Variants in CDKN2A observed in about 807,000 individuals in gnomAD.
CDKN2A encodes the protein cyclin-dependent kinase inhibitor 2A.
A neutral mutation model predicts 11.1 loss-of-function variants in CDKN2A; 3 were observed. The ratio of observed to expected loss-of-function variants is 0.27; its 90% confidence interval spans 0.12 to 0.70. The LOEUF (loss-of-function observed/expected upper bound fraction) is 0.70. Ranked by LOEUF, CDKN2A falls within the 30% of genes least tolerant of loss-of-function variation. The pLI is 0.77. For missense variants in CDKN2A, 265 were observed against 233.6 expected (o/e 1.13, Z -0.88); for synonymous variants, 122 against 108.1 (o/e 1.13, Z -0.80).
intron 1 of CDKN2A, among the ~76,000 whole-genome samples, chr9:21,973,985 G>A (rs1157891149): frequency 6.6e-6 from 1 of 152,068 alleles, no homozygotes; most frequent in Non-Finnish European, 1.5e-5. Context: ...CAGCCTCCCG[G>A]GTTCAAGCGA....
chr9:21,985,897 T>A (rs918823344), intron 2 of CDKN2A, among the ~76,000 whole-genome samples: 1 of 151,948 alleles, frequency 6.6e-6, no homozygotes, highest in Non-Finnish European at 1.5e-5. Flanking sequence ...GTTTAGAAAT[T>A]TCTAGCTACA....
chr9:21,993,993 C>G, exon 2 of CDKN2A: 1 of 851,390 alleles, frequency 1.2e-6, no homozygotes. Context: ...ATGTCTAAGT[C>G]GTTGTAACCC....
At chr9:21,977,779 A>C (rs1168887087), upstream of CDKN2A, among the ~76,000 whole-genome samples, 1 of 152,202 alleles carries the variant, frequency 6.6e-6, no homozygotes, top group African/African-American at 2.4e-5. Context: ...TTTTTTAAAA[A>C]AGATGTGTTC....
intron 1 of CDKN2A, among the ~76,000 whole-genome samples, chr9:21,973,828 C>A (rs1034932297): frequency 6.6e-6 from 1 of 151,832 alleles, no homozygotes; most frequent in African/African-American, 2.4e-5. Context: ...TATTTATTTG[C>A]CCTACTCAGT....
intron 2 of CDKN2A, among the ~76,000 whole-genome samples, chr9:21,984,847 T>C (rs1271594576): frequency 2.0e-5 from 3 of 151,974 alleles, no homozygotes; most frequent in Non-Finnish European, 4.4e-5. Flanking sequence ...CTCTATAGTC[T>C]TACTGTTATG....
chr9:21,994,607 C>G, intron 1 of CDKN2A: 1 of 602,740 alleles, frequency 1.7e-6, no homozygotes, highest in East Asian at 3.7e-5. Flanking sequence ...CGGAGGCGCC[C>G]GTAGGGAGGC....
At chr9:21,971,282 C>T (rs532110067) in intron 1 of CDKN2A, 74 bp from the exon 2 acceptor site, 1 of 1,545,176 alleles carries the variant, frequency 6.5e-7, no homozygotes, top group Non-Finnish European at 8.7e-7. Context: ...TGTAGAGCCC[C>T]CTCACCGCCA....
upstream of CDKN2A, chr9:21,975,249 T>G (rs1819992382): frequency 1.5e-6 from 1 of 689,416 alleles, no homozygotes; most frequent in South Asian, 6.5e-5. Flanking sequence ...AAAGGCGTGT[T>G]TGAGTGCGTT....
chr9:21,983,445 G>T (rs967598667), intron 2 of CDKN2A, among the ~76,000 whole-genome samples: 4 of 151,912 alleles, frequency 2.6e-5, no homozygotes, highest in South Asian at 2.1e-4. Context: ...CTTCATAAAT[G>T]CTACTTTTAA....
At chr9:21,987,252 T>C (rs1460454308) in intron 2 of CDKN2A, among the ~76,000 whole-genome samples, 3 of 152,136 alleles carry the variant, frequency 2.0e-5, no homozygotes, top group African/African-American at 7.2e-5. Context: ...TACATTTTCC[T>C]GCAATCTTGC....
At chr9:21,984,412 T>C (rs1005641415) in intron 2 of CDKN2A, among the ~76,000 whole-genome samples, 1 of 152,050 alleles carries the variant, frequency 6.6e-6, no homozygotes, top group Non-Finnish European at 1.5e-5. Flanking sequence ...GAAGGTACAA[T>C]GGAGAAACTA....
At chr9:21,981,907 T>C (rs1169244400) in intron 2 of CDKN2A, among the ~76,000 whole-genome samples, 3 of 152,284 alleles carry the variant, frequency 2.0e-5, no homozygotes, top group East Asian at 3.9e-4. Flanking sequence ...TCTGAGAAAG[T>C]AGAGCAGACC....
rs936993659 is a variant in CDKN2A at position 21,968,548 on chromosome 9, ATATAATGAGTCTCAGTGGTT to A, written c.458-326_458-307del. The stretch of plus-strand genomic sequence containing the variant: ...GGGTTGCAAGAAGAAAACGAGTGTT[ATATAATGAGTCTCAGTGGTT>A]GCTCACAATGCCAGGCGCGAAGGCG... On this transcript the variant is annotated intron_variant, in intron 2 of 2. Transcript: ENST00000304494. This position sits in a 1 kb window ranked among gnomAD's most constrained non-coding sequence, Gnocchi z 4.7. 1 of 1,456,774 alleles carries A rather than the reference ATATAATGAGTCTCAGTGGTT, an allele frequency of 6.9e-7. No homozygotes were observed. Among genetic ancestry groups the A allele is most frequent in the Non-Finnish European group, 9.0e-7 (1 of 1,112,518 alleles). The allele number at this position is 1,456,774 out of a possible 1,614,324, so 90.2% of individuals were successfully genotyped here.
At chr9:21,979,245 A>C (rs1820116495), upstream of CDKN2A, among the ~76,000 whole-genome samples, 1 of 152,170 alleles carries the variant, frequency 6.6e-6, no homozygotes, top group South Asian at 2.1e-4. Flanking sequence ...CCTGTGAAGG[A>C]CTCCTCAGAG....
rs1474376077 is a variant in CDKN2A at position 21,994,010 on chromosome 9, G to C, written c.-132C>G. 4 of 1,027,214 alleles carry C rather than the reference G, an allele frequency of 3.9e-6. No individual in the cohort carries two copies. The East Asian group carries it at 1.0e-4, about 27-fold the overall frequency. The allele number at this position is 1,027,214 out of a possible 1,614,324, so 63.6% of individuals were successfully genotyped here. On this transcript the variant is annotated 5_prime_UTR_variant, in exon 2 of 4. Coordinates refer to the CDKN2A transcript ENST00000494262. Reference sequence around the variant, plus strand: ...GTCTAAGTCGTTGTAACCCGAATGGGGAAGCCTCCACCGGCGGTTATCTCC... The same window carrying C: ...GTCTAAGTCGTTGTAACCCGAATGGCGAAGCCTCCACCGGCGGTTATCTCC...
At position 21,974,783 on chromosome 9, in the gene CDKN2A, C is replaced by T. The variant is rs138677674; in HGVS notation, c.45G>A (p.Trp15Ter). ...GACCCCGGGCCGCGGCCGTGGCCAG[C>T]CAGTCAGCCGAAGGCTCCATGCTGC... ...AGSSMEPSADWLATAAARGRV... is the reference protein window; with the variant it reads ...AGSSMEPSAD Residue 15 changes from tryptophan (W) to a stop codon, truncating the protein, a stop_gained, in exon 1 of 3, where the codon TGG becomes TGA. Coordinates refer to ENST00000304494, the MANE Select transcript of CDKN2A (RefSeq NM_000077.5). LOFTEE classifies it high-confidence loss of function. This position sits in a 1 kb window ranked among gnomAD's most constrained non-coding sequence, Gnocchi z 5.2. The T allele has an allele frequency of 6.2e-7, 1 of 1,607,920 alleles. No individual in the cohort carries two copies. Among genetic ancestry groups the T allele is most frequent in the Non-Finnish European group, 8.5e-7 (1 of 1,179,248 alleles).
rs1233388845 is a variant in CDKN2A, at chr9:21,991,130, C to CA, written c.-4+2751dup. Among the ~76,000 whole-genome samples the CA allele has an allele frequency of 6.6e-6, 1 of 152,152 alleles. No homozygotes were observed. The highest frequency in any genetic ancestry group is 1.9e-4 in the East Asian group (1 of 5,202). On this transcript the variant is annotated intron_variant, in intron 2 of 3. Coordinates refer to the CDKN2A transcript ENST00000494262. This position sits in a 1 kb window ranked among gnomAD's most constrained non-coding sequence, Gnocchi z 5.2. ...CTTAAACTGCCAAAATAAAGCACCACAAAAACTTTTTATCACGTTGGTTTT... is the reference window on the plus strand; with the variant it reads ...CTTAAACTGCCAAAATAAAGCACCACAAAAAACTTTTTATCACGTTGGTTTT...
rs1273290299 is a variant in CDKN2A, at chr9:21,981,142, G to GTA, written c.-3-9936_-3-9935dup. ...TATACGTGTATATATATATATACGTGTATATATATATATACGTGTATATAT... is the reference window on the plus strand; with the variant it reads ...TATACGTGTATATATATATATACGTGTATATATATATATATACGTGTATATAT... On this transcript the variant is annotated intron_variant, in intron 2 of 3. Coordinates refer to the CDKN2A transcript ENST00000494262. 3.1e-4 allele frequency among the ~76,000 whole-genome samples: 6 copies of GTA among 19,650 alleles called. 2 individuals are homozygous for GTA. Among genetic ancestry groups the GTA allele is most frequent in the African/African-American group, 1.4e-3 (5 of 3,510 alleles). 12.9% of individuals were successfully genotyped at this position (19,650 alleles called of 152,430 possible). A position where few individuals can be genotyped will look rare whatever the true frequency, so the allele number is the denominator to read the frequency against.
intron 1 of CDKN2A, chr9:21,994,615 G>GGCGC (rs1485847635): frequency 1.8e-6 from 1 of 545,752 alleles, no homozygotes. Flanking sequence ...CCCGTAGGGA[G>GGCGC]GCGCGCGCGC....
Sources: allele counts gnomAD v4.1 joint callset (sites outside exome capture counted in the v4.1 genomes callset), GRCh38; gene constraint gnomAD v4.1.1; non-coding constraint Gnocchi (gnomAD v3.1); transcripts MANE v1.5; gene names NCBI Gene and HGNC (gene_info 2026-07-23, HGNC 2026-07-21).